Variants in MAEL observed in about 807,000 individuals in gnomAD.
MAEL encodes the protein maelstrom spermatogenic transposon silencer.
MAEL carries 46 observed loss-of-function variants against 62.0 expected under a neutral mutation model. The observed-to-expected ratio is 0.74, with a 90% CI of 0.59 to 0.95. The LOEUF (loss-of-function observed/expected upper bound fraction) is 0.95. MAEL is among the 40% of genes least tolerant of loss of function. The pLI is 0.00. For missense variants in MAEL, 497 were observed against 526.8 expected, an observed-to-expected ratio of 0.94 and a Z score of 0.55; for synonymous variants, 172 against 175.5, an observed-to-expected ratio of 0.98 and a Z score of 0.16.
At chr1:166,987,698 A>G (rs990268080), upstream of MAEL, among the ~76,000 whole-genome samples, 2 of 152,226 alleles carry the variant, frequency 1.3e-5, no homozygotes, top group African/African-American at 2.4e-5. Flanking sequence ...TACAAAAATT[A>G]GGTGAATAAA....
At chr1:166,991,349 A>T (rs996758352) in intron 2 of MAEL, 29 bp from the exon 3 acceptor site, 1 of 1,418,608 alleles carries the variant, frequency 7.0e-7, no homozygotes, top group Non-Finnish European at 1.0e-6. Flanking sequence ...GCAAGAGTTT[A>T]TGTGGCCAAT....
intron 3 of MAEL, 140 bp from the exon 4 acceptor site, chr1:166,992,546 C>G (rs1022206843): frequency 1.8e-5 from 10 of 566,740 alleles, no homozygotes; most frequent in African/African-American, 1.6e-4. Context: ...TTGGTTTTCT[C>G]TTTTCCAGCT....
At chr1:167,010,622 A>G (rs1050518876) in intron 8 of MAEL, among the ~76,000 whole-genome samples, 18 of 151,778 alleles carry the variant, frequency 1.2e-4, no homozygotes, top group Admixed American at 4.6e-4. Flanking sequence ...GTTATTTTTC[A>G]TTTGTCGTGG....
intron 10 of MAEL, among the ~76,000 whole-genome samples, chr1:167,020,029 T>G (rs1665557809): frequency 6.6e-6 from 1 of 152,150 alleles, no homozygotes; most frequent in South Asian, 2.1e-4. Context: ...AACATCCCCC[T>G]CTCAGACTAC....
In MAEL at chr1:166,989,380, G is replaced by A. The variant is rs758691559; in HGVS notation, c.28G>A (p.Ala10Thr). ...GCCGAACCGTAAGGCCAGCCGGAAT[G>A]CTTACTATTTCTTCGTGCAGGAGAA... MPNRKASRN[A>T]YYFFVQEKIP... Residue 10 changes from alanine to threonine, a missense_variant, in exon 1 of 12, where the codon GCT becomes ACT. Ala to Thr is a moderately conservative substitution (Grantham distance 58, BLOSUM62 0). Transcript: ENST00000367872. 1 of 1,609,188 alleles carries A rather than the reference G, an allele frequency of 6.2e-7. No homozygotes were observed. The highest frequency in any genetic ancestry group is 8.5e-7 in the Non-Finnish European group (1 of 1,177,970).
intron 1 of MAEL, among the ~76,000 whole-genome samples, chr1:166,980,197 AT>A (rs879458271): frequency 5.4e-4 from 79 of 145,178 alleles, no homozygotes; most frequent in Non-Finnish European, 6.4e-4. Flanking sequence ...TTTAATTTGT[AT>A]TTTTTTTTTT....
At chr1:166,990,663 A>T (rs1480407768) in intron 2 of MAEL, 2 of 152,216 alleles carry the variant, frequency 1.3e-5, no homozygotes, top group Non-Finnish European at 2.9e-5. Flanking sequence ...TGTATCAAAA[A>T]AAAGAAAAAA....
intron 11 of MAEL, 46 bp from the exon 12 acceptor site, chr1:167,021,622 A>G: frequency 7.4e-7 from 1 of 1,342,314 alleles, no homozygotes; most frequent in Non-Finnish European, 1.0e-6. Flanking sequence ...TTGTAATAAA[A>G]TTATAAAATT....
intron 5 of MAEL, among the ~76,000 whole-genome samples, chr1:166,997,030 G>A (rs940921290): frequency 1.1e-4 from 16 of 152,172 alleles, no homozygotes; most frequent in Admixed American, 1.0e-3. Context: ...GTTTCACCAT[G>A]TTGGCCAGGC....
At chr1:166,992,874 C>T (rs756569680) in intron 4 of MAEL, 33 bp downstream of exon 4, 21 of 1,508,948 alleles carry the variant, frequency 1.4e-5, no homozygotes, top group Admixed American at 7.3e-5. Context: ...AGATCTTAAA[C>T]GTGTATGGTT....
At chr1:166,981,319 C>G (rs1162557682) in intron 1 of MAEL, among the ~76,000 whole-genome samples, 1 of 152,238 alleles carries the variant, frequency 6.6e-6, no homozygotes, top group African/African-American at 2.4e-5. Flanking sequence ...TTTTCGTCAT[C>G]TCTCCTTTTC....
intron 8 of MAEL, among the ~76,000 whole-genome samples, chr1:167,011,389 A>G (rs1334349591): frequency 6.6e-6 from 1 of 152,088 alleles, no homozygotes; most frequent in Non-Finnish European, 1.5e-5. Context: ...CTTATGGATG[A>G]TGTGTTAAGA....
chr1:167,011,191 A>G (rs954710573), intron 8 of MAEL, among the ~76,000 whole-genome samples: 1 of 151,998 alleles, frequency 6.6e-6, no homozygotes, highest in African/African-American at 2.4e-5. Context: ...TCCTTCCCCA[A>G]GTTTTTTCTG....
chr1:167,001,458 T>A (rs1664662517), intron 5 of MAEL, among the ~76,000 whole-genome samples: 1 of 152,250 alleles, frequency 6.6e-6, no homozygotes, highest in African/African-American at 2.4e-5. Context: ...AAAAGATTGT[T>A]AAGTCACTGA....
chr1:167,011,312 G>A (rs1161239333), intron 8 of MAEL, among the ~76,000 whole-genome samples: 1 of 152,088 alleles, frequency 6.6e-6, no homozygotes, highest in East Asian at 1.9e-4. Context: ...TGTTCTTCTA[G>A]TTATGCTGTA....
chr1:167,001,598 G>A (rs555787690), intron 5 of MAEL, among the ~76,000 whole-genome samples: 17 of 152,242 alleles, frequency 1.1e-4, no homozygotes, highest in African/African-American at 4.1e-4. Flanking sequence ...TATATGCACT[G>A]GGAAACCAAA....
chr1:167,013,652 G>C (rs927322784), intron 8 of MAEL, among the ~76,000 whole-genome samples: 1 of 152,040 alleles, frequency 6.6e-6, no homozygotes, highest in Admixed American at 6.6e-5. Flanking sequence ...TCCCTGTTTT[G>C]TTCTTTTTCA....
In MAEL at chr1:167,017,838, G is replaced by C; in HGVS notation, c.920G>C (p.Ser307Thr). Residue 307 changes from serine to threonine, a missense_variant, in exon 10 of 12, where the codon AGT becomes ACT. By Grantham distance (58) the Ser-to-Thr change is moderately conservative. Transcript: ENST00000367872. ...AVCKKIAYCI[S>T]NSLATLFGIQ... ...TATTTCTTTTAAAGGTACTGCATCA[G>C]TAATTCTCTGGCCACTCTCTTTGGA... The C allele has an allele frequency of 6.2e-7, 1 of 1,611,148 alleles. No individual in the cohort carries two copies. The highest frequency in any genetic ancestry group is 8.5e-7 in the Non-Finnish European group (1 of 1,178,322).
chr1:167,010,040 A>G (rs1434615547), intron 8 of MAEL, among the ~76,000 whole-genome samples: 1 of 152,128 alleles, frequency 6.6e-6, no homozygotes, highest in Non-Finnish European at 1.5e-5. Context: ...TCGAATTGTA[A>G]TCCCTATGAC....
Sources: gnomAD v4.1 joint callset for allele counts (sites outside exome capture counted in the v4.1 genomes callset) on GRCh38, gnomAD v4.1.1 for gene constraint, MANE v1.5 for transcripts, NCBI Gene and HGNC (gene_info 2026-07-23, HGNC 2026-07-21) for gene names.